The following PHACTR3 variants were observed in gnomAD, a reference collection of about 807,000 sequenced individuals.
PHACTR3 encodes protein phosphatase 1, regulatory subunit 123.
PHACTR3 carries 16 observed loss-of-function variants against 66.8 expected under a neutral mutation model. The ratio of observed to expected loss-of-function variants is 0.24; its 90% CI spans 0.16 to 0.36. The LOEUF (loss-of-function observed/expected upper bound fraction) is 0.36. Among genes scored for constraint, PHACTR3 ranks in the 10% least tolerant of loss-of-function variants. The probability of loss-of-function intolerance (pLI) is 1.00; values close to 1 mark genes in which losing one functional copy is unlikely to be tolerated. For missense variants in PHACTR3, 647 were observed against 719.9 expected (o/e 0.90, Z 1.16); for synonymous variants, 323 against 292.1 (o/e 1.11, Z -1.08).
intron 1 of PHACTR3, among the ~76,000 whole-genome samples, chr20:59,635,153 C>CTTTATT (rs1490837629): frequency 2.7e-5 from 1 of 36,750 alleles, no homozygotes; most frequent in Non-Finnish European, 5.7e-5. Flanking sequence ...CTTTCTTTTT[C>CTTTATT]TTTCTTTCTT....
At chr20:59,708,809 G>A (rs2037811637) in intron 1 of PHACTR3, among the ~76,000 whole-genome samples, 2 of 152,224 alleles carry the variant, frequency 1.3e-5, no homozygotes, top group African/African-American at 4.8e-5. Flanking sequence ...TCTTGAAACA[G>A]GGATAGGATA....
rs906775513 is a variant in PHACTR3, at chr20:59,773,161, G to A, written c.752-118G>A. The A allele has an allele frequency of 1.3e-5, 15 of 1,194,896 alleles. No homozygotes were observed. The African/African-American group carries it at 2.2e-4, about 17-fold the overall frequency. The allele number at this position is 1,194,896 out of a possible 1,614,324, so 74.0% of individuals were successfully genotyped here. A position where few individuals can be genotyped will look rare whatever the true frequency, so the allele number is the denominator to read the frequency against. On this transcript the variant is annotated intron_variant, in intron 5 of 12. Coordinates refer to ENST00000371015, the MANE Select transcript of PHACTR3 (RefSeq NM_080672.5). ...CGGTCCAGCATCTTGGCATTAGTTG[G>A]GGCCCCTCCTGGAGGTGCAGGGGAG...
At chr20:59,625,079 T>C (rs1470661252) in intron 1 of PHACTR3, among the ~76,000 whole-genome samples, 1 of 152,160 alleles carries the variant, frequency 6.6e-6, no homozygotes, top group Non-Finnish European at 1.5e-5. Context: ...GAGGAGCACC[T>C]GTAGGGTGTT....
intron 1 of PHACTR3, among the ~76,000 whole-genome samples, chr20:59,686,842 GTGA>G (rs1305324217): frequency 1.4e-5 from 2 of 140,170 alleles, no homozygotes; most frequent in South Asian, 2.5e-4. Flanking sequence ...GATGATGATG[GTGA>G]TGATGGTGAT....
intron 1 of PHACTR3, among the ~76,000 whole-genome samples, chr20:59,689,770 T>A (rs1333098668): frequency 6.6e-6 from 1 of 152,156 alleles, no homozygotes; most frequent in Non-Finnish European, 1.5e-5. Flanking sequence ...GGCATTCACC[T>A]GCCCTTTCCA....
intron 1 of PHACTR3, among the ~76,000 whole-genome samples, chr20:59,706,320 C>T (rs1028443757): frequency 3.3e-5 from 5 of 152,202 alleles, no homozygotes; most frequent in South Asian, 2.1e-4. Context: ...AGGTCTAGGA[C>T]GCTGCATAAA....
chr20:59,752,881 G>A (rs959534315), intron 3 of PHACTR3, among the ~76,000 whole-genome samples: 4 of 152,140 alleles, frequency 2.6e-5, no homozygotes, highest in African/African-American at 9.7e-5. Context: ...GCTCCCCTAC[G>A]CCAGCTCTCA....
At chr20:59,756,107 A>G (rs1312598701) in intron 4 of PHACTR3, among the ~76,000 whole-genome samples, 1 of 152,120 alleles carries the variant, frequency 6.6e-6, no homozygotes, top group Non-Finnish European at 1.5e-5. Flanking sequence ...GGCGCTTCCC[A>G]AGGATAGGGG....
intron 4 of PHACTR3, among the ~76,000 whole-genome samples, chr20:59,758,093 G>C (rs540477872): frequency 2.0e-5 from 3 of 151,736 alleles, no homozygotes; most frequent in Admixed American, 2.0e-4. Context: ...TGTAGGAAGC[G>C]CTCTGCTGGT....
intron 1 of PHACTR3, among the ~76,000 whole-genome samples, chr20:59,646,054 A>G (rs922782382): frequency 3.3e-5 from 5 of 152,120 alleles, no homozygotes; most frequent in African/African-American, 1.2e-4. Flanking sequence ...GGGCAGTTCT[A>G]GGATCTTACC....
chr20:59,824,777 GT>G (rs2042137484), intron 8 of PHACTR3, among the ~76,000 whole-genome samples: 2 of 152,224 alleles, frequency 1.3e-5, no homozygotes, highest in Middle Eastern at 3.2e-3. Flanking sequence ...AGCCCCACCA[GT>G]GGGGGGGCGG....
At chr20:59,743,962 C>T (rs895852219) in intron 2 of PHACTR3, among the ~76,000 whole-genome samples, 11 of 152,174 alleles carry the variant, frequency 7.2e-5, no homozygotes, top group East Asian at 1.9e-4. Context: ...CTGTGGGAAG[C>T]GGGATTGCGA....
In PHACTR3 at chr20:59,738,314, C is replaced by T. The variant is rs1043267237; in HGVS notation, c.119-4793C>T. Among the ~76,000 whole-genome samples, 18 of 151,718 alleles carry T rather than the reference C, an allele frequency of 1.2e-4. No homozygotes were observed. Among genetic ancestry groups the T allele is most frequent in the African/African-American group, 4.4e-4 (18 of 41,194 alleles). On this transcript the variant is annotated intron_variant, in intron 1 of 12. Transcript: ENST00000371015. The surrounding 1 kb of genome is among the most constrained non-coding windows in gnomAD (Gnocchi z 4.4). ...ATGGCACATGGCAAGCACTAATGCA[C>T]AATAAGGATGATAATAAGGGGGAGG...
intron 8 of PHACTR3, among the ~76,000 whole-genome samples, chr20:59,824,347 C>T (rs902723472): frequency 1.3e-5 from 2 of 152,228 alleles, no homozygotes; most frequent in African/African-American, 2.4e-5. Flanking sequence ...AGCCTCTCTC[C>T]TCAGGTGATT....
intron 8 of PHACTR3, among the ~76,000 whole-genome samples, chr20:59,825,329 A>G (rs972603176): frequency 8.5e-5 from 13 of 152,178 alleles, no homozygotes; most frequent in African/African-American, 2.4e-4. Flanking sequence ...AAGTTTCTCA[A>G]TGTAAACCTG....
chr20:59,787,679 G>A (rs1408288386), intron 7 of PHACTR3, among the ~76,000 whole-genome samples: 1 of 152,206 alleles, frequency 6.6e-6, no homozygotes, highest in East Asian at 1.9e-4. Flanking sequence ...AGGAGCTGGA[G>A]AGGAGAGTTT....
Position 59,784,990 on chromosome 20 carries a change from G to C in PHACTR3, c.1174+10500G>C, listed in dbSNP as rs532480974. Among the ~76,000 whole-genome samples the C allele has an allele frequency of 3.3e-3, 453 of 137,004 alleles. 5 individuals carry two copies. The highest frequency in any genetic ancestry group is 0.011 in the African/African-American group (424 of 37,758). 89.9% of individuals were successfully genotyped at this position (137,004 alleles called of 152,430 possible). A position where few individuals can be genotyped will look rare whatever the true frequency, so the allele number is the denominator to read the frequency against. ...GCCGTCTGTCATGATTCAAGCCTTG[G>C]AAAGGGCCCCAGGACTTTCCGAGGG... On this transcript the variant is annotated intron_variant, in intron 7 of 12. Coordinates refer to ENST00000371015, the MANE Select transcript of PHACTR3 (RefSeq NM_080672.5).
chr20:59,727,964 G>A (rs1480218976), intron 1 of PHACTR3, among the ~76,000 whole-genome samples: 1 of 152,178 alleles, frequency 6.6e-6, no homozygotes, highest in Non-Finnish European at 1.5e-5. Flanking sequence ...GCCCAAAATC[G>A]TCTGGCACCA....
intron 1 of PHACTR3, among the ~76,000 whole-genome samples, chr20:59,693,987 G>A (rs1387414881): frequency 6.6e-6 from 1 of 152,182 alleles, no homozygotes; most frequent in Non-Finnish European, 1.5e-5. Context: ...TCTCTTGATG[G>A]GAAGAACAGA....
Sources: allele counts gnomAD v4.1 joint callset (sites outside exome capture counted in the v4.1 genomes callset), GRCh38; gene constraint gnomAD v4.1.1; non-coding constraint Gnocchi (gnomAD v3.1); transcripts MANE v1.5; gene names NCBI Gene and HGNC (gene_info 2026-07-23, HGNC 2026-07-21).